ANXA6: variants seen among roughly 807,000 people sequenced by gnomAD.
The protein encoded by ANXA6 is annexin A6.
Under a neutral mutation model 95.4 loss-of-function variants are expected in ANXA6, and 71 were observed. The ratio of observed to expected loss-of-function variants is 0.74; its 90% CI spans 0.61 to 0.91. ANXA6 has a LOEUF of 0.91. Ranked by LOEUF, ANXA6 falls within the 40% of genes least tolerant of loss-of-function variation. The pLI, the probability that ANXA6 is intolerant of heterozygous loss-of-function variation, is 0.00. For synonymous variants in ANXA6, 289 were observed against 315.9 expected, an observed-to-expected ratio of 0.91 and a Z score of 0.90; for missense variants, 830 against 876.4, an observed-to-expected ratio of 0.95 and a Z score of 0.67.
chr5:151,125,341 C>CAAAAA (rs34691391), intron 14 of ANXA6, among the ~76,000 whole-genome samples: 1 of 118,222 alleles, frequency 8.5e-6, no homozygotes, highest in Admixed American at 8.6e-5. Flanking sequence ...GACCCTGTCT[C>CAAAAA]AAAAAAAAAA....
Position 151,122,967 on chromosome 5 carries a change from T to A in ANXA6, c.1183A>T (p.Asn395Tyr). 1 of 1,613,920 alleles carries A rather than the reference T, an allele frequency of 6.2e-7. No homozygotes were observed. Among genetic ancestry groups the A allele is most frequent in the Non-Finnish European group, 8.5e-7 (1 of 1,179,886 alleles). The change falls in exon 16 of 26, where the codon AAT becomes TAT. Residue 395 changes from asparagine (N) to tyrosine (Y), a missense_variant. Asn to Tyr is a moderately radical substitution (Grantham distance 143). Transcript: ENST00000354546. ...TIIDIITHRS[N>Y]VQRQQIRQTF... The stretch of plus-strand genomic sequence containing the variant: ...TGCCGGATCTGCTGCCGCTGGACAT[T>A]GCTGCGGTGCGTGATGATATCGATG...
intron 15 of ANXA6, 118 bp downstream of exon 15, chr5:151,124,168 C>G: frequency 1.2e-6 from 1 of 850,126 alleles, no homozygotes; most frequent in Non-Finnish European, 1.9e-6. Context: ...GAGATCAAGC[C>G]TTCCTCATCC....
rs551890924 is a variant in ANXA6, at chr5:151,110,345, T to C, written c.1590+282A>G. ...TAGCTACTAGTTCTATTTATACTGA[T>C]AGTAAATTCCCCTTAACTCATTTTG... On this transcript the variant is annotated intron_variant, in intron 21 of 25. Transcript: ENST00000354546. 9.4e-5 allele frequency among the ~76,000 whole-genome samples: 14 copies of C among 149,038 alleles called. No individual in the cohort carries two copies. The South Asian group carries it at 2.6e-3, about 27-fold the overall frequency.
intron 23 of ANXA6, among the ~76,000 whole-genome samples, chr5:151,107,058 G>T (rs1244578865): frequency 6.6e-6 from 1 of 152,202 alleles, no homozygotes; most frequent in African/African-American, 2.4e-5. Flanking sequence ...TTGAGTCCTG[G>T]TTCTACTGCT....
intron 1 of ANXA6, among the ~76,000 whole-genome samples, chr5:151,150,717 T>G (rs1033892649): frequency 1.3e-5 from 2 of 152,120 alleles, no homozygotes; most frequent in Non-Finnish European, 2.9e-5. Context: ...GTACCCCCTT[T>G]CCAGTGTGTG....
At chr5:151,126,361 C>G (rs375198250) in intron 14 of ANXA6, 41 bp downstream of exon 14, 2 of 1,546,902 alleles carry the variant, frequency 1.3e-6, no homozygotes, top group African/African-American at 2.7e-5. Context: ...AGCAGAGAAG[C>G]TGTGGTCAAG....
chr5:151,115,852 G>T (rs866090786), intron 20 of ANXA6, among the ~76,000 whole-genome samples: 1 of 152,156 alleles, frequency 6.6e-6, no homozygotes, highest in Non-Finnish European at 1.5e-5. Context: ...TATTTGATGT[G>T]GAAGCTGCAG....
chr5:151,137,438 C>T (rs928141552), intron 5 of ANXA6, 117 bp from the exon 6 acceptor site: 2 of 683,490 alleles, frequency 2.9e-6, no homozygotes, highest in African/African-American at 3.6e-5. Context: ...GGTTCCTACC[C>T]AGCTCTTAGG....
At chr5:151,141,971 C>T (rs1765850267) in intron 2 of ANXA6, among the ~76,000 whole-genome samples, 1 of 152,200 alleles carries the variant, frequency 6.6e-6, no homozygotes, top group South Asian at 2.1e-4. Flanking sequence ...ATCCAGAAAC[C>T]TCTGAGAGCA....
Position 151,126,448 on chromosome 5 carries a change from T to G in ANXA6, c.1010A>C (p.Gln337Pro). Residue 337 changes from glutamine to proline, a missense_variant, in exon 14 of 26, where the codon CAG (glutamine) becomes CCG (proline). Physicochemically the swap from Gln to Pro is moderately conservative, Grantham distance 76 (BLOSUM62 -1). Coordinates refer to ENST00000354546, the MANE Select transcript of ANXA6 (RefSeq NM_001155.5). ...AAGQFFPEAAQVAYQMWELSA... is the reference protein window; with the variant it reads ...AAGQFFPEAAPVAYQMWELSA... The stretch of plus-strand genomic sequence containing the variant: ...AAGTTCCCACATCTGATAGGCCACC[T>G]GCGCTGCCTCCGGGAAGAACTGGCC... 1 of 1,611,034 alleles carries G rather than the reference T, an allele frequency of 6.2e-7. No individual in the cohort carries two copies.
intron 13 of ANXA6, 90 bp from the exon 14 acceptor site, chr5:151,126,570 A>C (rs977102953): frequency 1.6e-4 from 150 of 924,074 alleles, no homozygotes; most frequent in Middle Eastern, 1.0e-3. Flanking sequence ...ACACACACAC[A>C]CCCCAACACA....
chr5:151,105,445 C>T lies in ANXA6; in HGVS notation c.1781-142G>A, dbSNP rs111968671. On this transcript the variant is annotated intron_variant, in intron 23 of 25. Coordinates refer to ENST00000354546, the MANE Select transcript of ANXA6 (RefSeq NM_001155.5). ...TGTCAACCCCAGGGTCATGCTCAGA[C>T]GACACCTTTGCTCCCCTTCCCCATG... The T allele has an allele frequency of 2.7e-4, 199 of 725,520 alleles. 1 individual carries two copies. The highest frequency in any genetic ancestry group is 2.0e-3 in the African/African-American group (117 of 57,298). The allele number at this position is 725,520 out of a possible 1,614,324, so 44.9% of individuals were successfully genotyped here.
At chr5:151,155,811 A>AGG (rs1219409615) in intron 1 of ANXA6, 1 of 152,336 alleles carries the variant, frequency 6.6e-6, no homozygotes, top group African/African-American at 2.4e-5. Context: ...TAAGCCCCAG[A>AGG]GGGGTAGTAG....
chr5:151,142,126 C>T (rs937841144), intron 2 of ANXA6, among the ~76,000 whole-genome samples: 5 of 152,178 alleles, frequency 3.3e-5, no homozygotes, highest in Non-Finnish European at 7.4e-5. Flanking sequence ...TTCTGGACAC[C>T]TCCAGTCCAG....
intron 12 of ANXA6, chr5:151,128,476 A>G (rs1455731047): frequency 6.0e-6 from 3 of 497,032 alleles, no homozygotes; most frequent in Non-Finnish European, 7.3e-6. Context: ...CTAGCAATGG[A>G]CAATTTCAAG....
chr5:151,147,027 C>T (rs1473573984), intron 2 of ANXA6, among the ~76,000 whole-genome samples: 1 of 152,178 alleles, frequency 6.6e-6, no homozygotes, highest in Non-Finnish European at 1.5e-5. Flanking sequence ...CTCACTTCAG[C>T]CTCCCAAAGT....
intron 21 of ANXA6, among the ~76,000 whole-genome samples, 168 bp from the exon 22 acceptor site, chr5:151,110,014 G>T (rs1287798203): frequency 6.6e-6 from 1 of 152,136 alleles, no homozygotes; most frequent in African/African-American, 2.4e-5. Flanking sequence ...AAGCACAATG[G>T]CTTCTATACT....
chr5:151,116,785 G>A (rs1283799458), intron 20 of ANXA6, among the ~76,000 whole-genome samples: 1 of 152,114 alleles, frequency 6.6e-6, no homozygotes, highest in Non-Finnish European at 1.5e-5. Context: ...AGCTCTCTAG[G>A]GGTCAATTCT....
At chr5:151,136,462 C>G (rs1765666134) in intron 6 of ANXA6, 127 bp from the exon 7 acceptor site, 2 of 760,238 alleles carry the variant, frequency 2.6e-6, no homozygotes, top group African/African-American at 1.8e-5. Context: ...ACACGTCCAT[C>G]ATGGCAAGAC....
Sources: allele counts gnomAD v4.1 joint callset (sites outside exome capture counted in the v4.1 genomes callset), GRCh38; gene constraint gnomAD v4.1.1; transcripts MANE v1.5; gene names NCBI Gene and HGNC (gene_info 2026-07-23, HGNC 2026-07-21).